PPP4R3A: variants seen among roughly 807,000 people sequenced by gnomAD.
The protein encoded by PPP4R3A is serine/threonine-protein phosphatase 4 regulatory subunit 3A.
PPP4R3A carries 15 observed loss-of-function variants against 91.7 expected under a neutral mutation model. The observed-to-expected ratio is 0.16, with a 90% confidence interval of 0.11 to 0.25. The LOEUF (loss-of-function observed/expected upper bound fraction) is 0.25, where lower values mean the gene tolerates loss of function less well. Ranked by LOEUF, PPP4R3A falls within the 10% of genes least tolerant of loss-of-function variation. The pLI is 1.00. For synonymous variants in PPP4R3A, 377 were observed against 348.7 expected, an observed-to-expected ratio of 1.08 and a Z score of -0.91; for missense variants, 623 against 998.4, an observed-to-expected ratio of 0.62 and a Z score of 5.07.
At position 91,458,799 on chromosome 14, in the gene PPP4R3A, T is replaced by G; in HGVS notation, c.2462A>C (p.Asp821Ala). The G allele has an allele frequency of 1.2e-6, 2 of 1,614,182 alleles. No homozygotes were observed. Among genetic ancestry groups the G allele is most frequent in the Admixed American group, 1.7e-5 (1 of 60,032 alleles). ...EDDDEDEDKEDTLPLSKKAKF... is the reference protein window; with the variant it reads ...EDDDEDEDKEATLPLSKKAKF... ...TGCTTTCTTTGACAATGGTAACGTATCTTCCTTATCTTCATCCTCATCATC... is the reference window on the plus strand; with the variant it reads ...TGCTTTCTTTGACAATGGTAACGTAGCTTCCTTATCTTCATCCTCATCATC... Residue 821 changes from aspartate to alanine, a missense_variant, in exon 15 of 15, where the codon GAT becomes GCT. This residue lies in a region of PPP4R3A where 201 missense variants were observed against 229.9 expected (regional missense o/e 0.87). Coordinates refer to ENST00000554943, the MANE Select transcript of PPP4R3A (RefSeq NM_001366432.2).
intron 3 of PPP4R3A, among the ~76,000 whole-genome samples, chr14:91,483,483 CATT>C (rs1199624246): frequency 1.3e-5 from 2 of 152,168 alleles, no homozygotes; most frequent in African/African-American, 4.8e-5. Context: ...TGTAAGCTCT[CATT>C]ATAGTTTTAA....
chr14:91,469,699 GTTGGGA>G, intron 10 of PPP4R3A, among the ~76,000 whole-genome samples: 1 of 152,180 alleles, frequency 6.6e-6, no homozygotes. Context: ...CTCCCGAGTA[GTTGGGA>G]CTATAGGCGT....
chr14:91,474,399 G>C (rs1265096264), intron 7 of PPP4R3A, among the ~76,000 whole-genome samples: 1 of 152,074 alleles, frequency 6.6e-6, no homozygotes, highest in Non-Finnish European at 1.5e-5. Context: ...GGATGGACAA[G>C]GGATAGAGAA....
chr14:91,479,003 T>C (rs1220408173), intron 4 of PPP4R3A, among the ~76,000 whole-genome samples: 1 of 152,230 alleles, frequency 6.6e-6, no homozygotes, highest in African/African-American at 2.4e-5. Flanking sequence ...AACCTCTGCC[T>C]ACCAGGTGCA....
intron 1 of PPP4R3A, among the ~76,000 whole-genome samples, chr14:91,495,126 AT>A (rs1368470302): frequency 1.3e-5 from 2 of 152,212 alleles, no homozygotes; most frequent in Non-Finnish European, 2.9e-5. Flanking sequence ...AAACTTGTAC[AT>A]TTATATTCAC....
At chr14:91,507,420 A>ATATATACTATAATTATATATACTACATAG (rs1566660364) in intron 1 of PPP4R3A, among the ~76,000 whole-genome samples, 53 of 79,748 alleles carry the variant, frequency 6.6e-4, no homozygotes, top group South Asian at 2.3e-3. Context: ...ATACTATATA[A>ATATATACTATAATTATATATACTACATAG]TATATATACT....
chr14:91,482,963 G>A (rs1409204925), intron 3 of PPP4R3A, among the ~76,000 whole-genome samples: 2 of 152,116 alleles, frequency 1.3e-5, no homozygotes, highest in Admixed American at 6.6e-5. Flanking sequence ...ACCAAACCAC[G>A]AAAATATTTT....
Position 91,476,011 on chromosome 14 carries a change from G to A in PPP4R3A, c.1111-45C>T, listed in dbSNP as rs772100364. 94 of 1,486,902 alleles carry A rather than the reference G, an allele frequency of 6.3e-5. 1 individual carries two copies. The highest frequency in any genetic ancestry group is 2.5e-5 in the Admixed American group (1 of 39,296). 92.1% of individuals were successfully genotyped at this position (1,486,902 alleles called of 1,614,324 possible). On this transcript the variant is annotated intron_variant, in intron 6 of 14. Coordinates refer to ENST00000554943, the MANE Select transcript of PPP4R3A (RefSeq NM_001366432.2). ...ATTTTTCCTGTATTTATAAAAATACGGAACCTATAGCTATGTAAATATCCA... is the reference window on the plus strand; with the variant it reads ...ATTTTTCCTGTATTTATAAAAATACAGAACCTATAGCTATGTAAATATCCA...
rs1257235736 is a variant in PPP4R3A at position 91,457,572 on chromosome 14, T to C, written c.*1187A>G. 1 of 152,440 alleles carries C rather than the reference T, an allele frequency of 6.6e-6. No homozygotes were observed. Among genetic ancestry groups the C allele is most frequent in the Non-Finnish European group, 1.5e-5 (1 of 67,962 alleles). The allele number at this position is 152,440 out of a possible 1,614,324, so 9.4% of individuals were successfully genotyped here. A position where few individuals can be genotyped will look rare whatever the true frequency, so the allele number is the denominator to read the frequency against. ...AGTCAAACTGGTATTCCAAAGGGAG[T>C]AGTTAAAAACAAAAACAAGAAACAT... is the stretch of plus-strand genomic sequence containing the variant. On this transcript the variant is annotated 3_prime_UTR_variant, in exon 15 of 15. Coordinates refer to ENST00000554943, the MANE Select transcript of PPP4R3A (RefSeq NM_001366432.2).
chr14:91,482,178 G>A lies in PPP4R3A; in HGVS notation c.313C>T (p.Pro105Ser), dbSNP rs1889607544. 6.3e-7 allele frequency: 1 copy of A among 1,593,672 alleles called. No individual in the cohort carries two copies. Among genetic ancestry groups the A allele is most frequent in the South Asian group, 1.1e-5 (1 of 87,618 alleles). The change falls in exon 4 of 15, where the codon CCT (proline) becomes TCT (serine). Residue 105 changes from proline (P) to serine (S), a missense_variant. Physicochemically the swap from Pro to Ser is moderately conservative, Grantham distance 74. Transcript: ENST00000554943. The part of the protein sequence containing the change: ...EKICQVQGKD[P>S]SVDITQDLVD... The stretch of plus-strand genomic sequence containing the variant: ...AGGTCCTGAGTGATGTCCACGGAAG[G>A]GTCCTTTCCTTGAACCTATGAAAAA...
chr14:91,509,897 G>C lies in PPP4R3A; in HGVS notation c.-250C>G. The C allele has an allele frequency of 9.3e-7, 1 of 1,073,866 alleles. No individual in the cohort carries two copies. Among genetic ancestry groups the C allele is most frequent in the Non-Finnish European group, 1.1e-6 (1 of 888,746 alleles). The allele number at this position is 1,073,866 out of a possible 1,614,324, so 66.5% of individuals were successfully genotyped here. ...TCCAGGCCTGGCGAGCCCGGCGCCCGGCAGCCCCGAGGGGGCCGCGCAGCG... is the reference window on the plus strand; with the variant it reads ...TCCAGGCCTGGCGAGCCCGGCGCCCCGCAGCCCCGAGGGGGCCGCGCAGCG... On this transcript the variant is annotated 5_prime_UTR_variant, in exon 1 of 15. Coordinates refer to ENST00000554943, the MANE Select transcript of PPP4R3A (RefSeq NM_001366432.2).
At chr14:91,498,845 C>T (rs1890752861) in intron 1 of PPP4R3A, among the ~76,000 whole-genome samples, 1 of 144,214 alleles carries the variant, frequency 6.9e-6, no homozygotes, top group East Asian at 2.1e-4. Flanking sequence ...ACCCGGGAGG[C>T]GGAGCTTGCA....
At chr14:91,494,417 T>C (rs1381733879) in intron 1 of PPP4R3A, among the ~76,000 whole-genome samples, 3 of 152,220 alleles carry the variant, frequency 2.0e-5, no homozygotes, top group Non-Finnish European at 4.4e-5. Context: ...GGTAAAGGAC[T>C]TGTATCCGGA....
At chr14:91,501,389 T>C (rs747319600) in intron 1 of PPP4R3A, among the ~76,000 whole-genome samples, 3 of 152,176 alleles carry the variant, frequency 2.0e-5, no homozygotes, top group Non-Finnish European at 4.4e-5. Context: ...TATTCAAGGC[T>C]TAAGGCAGGG....
chr14:91,467,861 T>G (rs1816150416), intron 10 of PPP4R3A, among the ~76,000 whole-genome samples: 3 of 152,196 alleles, frequency 2.0e-5, no homozygotes, highest in Admixed American at 2.0e-4. Context: ...CTGTCTGCAT[T>G]TATATATGTG....
intron 7 of PPP4R3A, chr14:91,475,597 G>T (rs983538742): frequency 2.3e-6 from 1 of 425,724 alleles, no homozygotes; most frequent in Admixed American, 4.1e-5. Flanking sequence ...AAACTGACAT[G>T]AATATTTTAA....
intron 1 of PPP4R3A, among the ~76,000 whole-genome samples, chr14:91,508,676 A>T (rs552379533): frequency 7.2e-5 from 11 of 152,358 alleles, no homozygotes; most frequent in African/African-American, 2.6e-4. Context: ...AACGTGAAAC[A>T]CTTATTTTCA....
intron 1 of PPP4R3A, among the ~76,000 whole-genome samples, chr14:91,505,947 A>AT (rs1222383341): frequency 1.7e-4 from 22 of 130,538 alleles, no homozygotes; most frequent in African/African-American, 2.9e-4. Flanking sequence ...CTATAATTGA[A>AT]ATTTTTTTTT....
At chr14:91,481,545 G>A in intron 4 of PPP4R3A, 31 bp downstream of exon 4, 1 of 1,506,692 alleles carries the variant, frequency 6.6e-7, no homozygotes, top group Non-Finnish European at 8.8e-7. Context: ...TGCATCTCTT[G>A]AAATATGAAA....
Sources: gnomAD v4.1 joint callset for allele counts (sites outside exome capture counted in the v4.1 genomes callset) on GRCh38, gnomAD v4.1.1 for gene constraint, gnomAD v4.1.1 regional missense constraint, MANE v1.5 for transcripts, NCBI Gene and HGNC (gene_info 2026-07-23, HGNC 2026-07-21) for gene names.